The following ARMC9 variants were observed in gnomAD, a reference collection of about 807,000 sequenced individuals.
The protein encoded by ARMC9 is lisH domain-containing protein ARMC9.
ARMC9 carries 94 observed loss-of-function variants against 107.0 expected under a neutral mutation model. The observed-to-expected ratio is 0.88, with a 90% confidence interval of 0.74 to 1.04. The LOEUF is 1.04. Among genes scored for constraint, ARMC9 ranks in the 50% least tolerant of loss-of-function variants. The probability of loss-of-function intolerance (pLI) is 0.00; values close to 1 mark genes in which losing one functional copy is unlikely to be tolerated. For synonymous variants in ARMC9, 380 were observed against 396.9 expected (o/e 0.96, Z 0.51); for missense variants, 942 against 1,030.1 (o/e 0.91, Z 1.17).
At chr2:231,240,673 G>T (rs966765793) in intron 9 of ARMC9, among the ~76,000 whole-genome samples, 1 of 152,244 alleles carries the variant, frequency 6.6e-6, no homozygotes, top group South Asian at 2.1e-4. Flanking sequence ...ACCAACTTCA[G>T]TAAATTTAAC....
chr2:231,322,049 C>T (rs1214844098), intron 19 of ARMC9, among the ~76,000 whole-genome samples: 3 of 152,228 alleles, frequency 2.0e-5, no homozygotes, highest in Admixed American at 1.3e-4. Flanking sequence ...TTGGGTTCTC[C>T]GGTTTCTGTC....
At chr2:231,249,406 C>T (rs754435151) in intron 9 of ARMC9, among the ~76,000 whole-genome samples, 5 of 152,192 alleles carry the variant, frequency 3.3e-5, no homozygotes, top group Non-Finnish European at 7.4e-5. Context: ...GGAACACTTT[C>T]CTTACCTTAC....
chr2:231,234,187 C>T (rs2035503231), intron 7 of ARMC9, among the ~76,000 whole-genome samples: 1 of 152,140 alleles, frequency 6.6e-6, no homozygotes, highest in South Asian at 2.1e-4. Context: ...ACTGTTACCT[C>T]CTTTCGTCCA....
At position 231,222,748 on chromosome 2, in the gene ARMC9, A is replaced by G. The variant is rs2034270255; in HGVS notation, c.525A>G (p.Leu175=). ...ELFQDSWTPE[L]KLKLIKFLAL... ...TTTAGGATTCCTGGACTCCAGAGTTAAAGTTGAAGTTGATAAAGTTTCTAG... is the reference window on the plus strand; with the variant it reads ...TTTAGGATTCCTGGACTCCAGAGTTGAAGTTGAAGTTGATAAAGTTTCTAG... Residue 175 remains leucine (L), a synonymous_variant, in exon 6 of 25, where the codon TTA becomes TTG. Coordinates refer to ENST00000611582, the MANE Select transcript of ARMC9 (RefSeq NM_001352754.2). 3.2e-6 allele frequency: 5 copies of G among 1,575,852 alleles called. No individual in the cohort carries two copies. The highest frequency in any genetic ancestry group is 1.7e-5 in the Admixed American group (1 of 59,066).
At chr2:231,279,118 C>T (rs2040000569) in intron 16 of ARMC9, among the ~76,000 whole-genome samples, 1 of 152,184 alleles carries the variant, frequency 6.6e-6, no homozygotes, top group Admixed American at 6.5e-5. Context: ...ACACTCATCA[C>T]TACTGGCTGC....
rs183004418 is a variant in ARMC9 at position 231,315,399 on chromosome 2, C to T, written c.1774-16394C>T. On this transcript the variant is annotated intron_variant, in intron 19 of 24. Transcript: ENST00000611582. ...TAAAAATACAAAAAAATTAGCCAGG[C>T]GTGGTGGCGCACACCTGTAGTCCCA... Among the ~76,000 whole-genome samples the T allele has an allele frequency of 8.1e-3, 1,221 of 150,666 alleles. 26 individuals carry two copies. Among genetic ancestry groups the T allele is most frequent in the African/African-American group, 0.027 (1,125 of 40,942 alleles).
At chr2:231,248,065 T>C (rs113682908) in intron 9 of ARMC9, among the ~76,000 whole-genome samples, 2,977 of 152,324 alleles carry the variant, frequency 0.02, 98 homozygotes, top group African/African-American at 0.069. Context: ...TTCACCAGAT[T>C]TGTGTCCAAA....
At position 231,239,947 on chromosome 2, in the gene ARMC9, C is replaced by T; in HGVS notation, c.785C>T (p.Thr262Ile). The T allele has an allele frequency of 6.2e-7, 1 of 1,613,782 alleles. No individual in the cohort carries two copies. The highest frequency in any genetic ancestry group is 8.5e-7 in the Non-Finnish European group (1 of 1,179,728). The change falls in exon 9 of 25, where the codon ACC becomes ATC. Residue 262 changes from threonine to isoleucine, a missense_variant. Thr to Ile is a moderately conservative substitution (Grantham distance 89). Transcript: ENST00000611582. ...GTCTTTGTATCCTCCTTGCAGATCACCCCTGAGTACCTCCAGAGCGTCTGT... is the reference window on the plus strand; with the variant it reads ...GTCTTTGTATCCTCCTTGCAGATCATCCCTGAGTACCTCCAGAGCGTCTGT... ...LEATVSGKMI[T>I]PEYLQSVCVR...
chr2:231,322,376 C>G (rs1351323025), intron 19 of ARMC9, among the ~76,000 whole-genome samples: 2 of 152,238 alleles, frequency 1.3e-5, no homozygotes, highest in African/African-American at 4.8e-5. Flanking sequence ...ATTCAGCGTT[C>G]TGAGAAGGTG....
chr2:231,340,609 A>G (rs57670946), intron 20 of ARMC9, among the ~76,000 whole-genome samples: 8,359 of 152,242 alleles, frequency 0.055, 759 homozygotes, highest in African/African-American at 0.19. Context: ...AATTAAGGCC[A>G]GGCTGAGTGG....
intron 9 of ARMC9, among the ~76,000 whole-genome samples, chr2:231,251,346 T>C (rs2037281825): frequency 6.6e-6 from 1 of 151,568 alleles, no homozygotes; most frequent in African/African-American, 2.4e-5. Context: ...TTTGTATTTT[T>C]AGTAGAGATG....
chr2:231,355,742 C>A, intron 21 of ARMC9, 56 bp from the exon 22 acceptor site: 1 of 1,475,774 alleles, frequency 6.8e-7, no homozygotes, highest in South Asian at 1.3e-5. Flanking sequence ...CGGCAGTCGG[C>A]AGTCCGAATC....
At chr2:231,248,386 C>G (rs569341274) in intron 9 of ARMC9, among the ~76,000 whole-genome samples, 1 of 152,144 alleles carries the variant, frequency 6.6e-6, no homozygotes, top group Non-Finnish European at 1.5e-5. Flanking sequence ...TATTTGTACC[C>G]TTCATGTTCC....
intron 19 of ARMC9, among the ~76,000 whole-genome samples, chr2:231,328,660 G>T (rs1464276279): frequency 6.6e-6 from 1 of 151,906 alleles, no homozygotes; most frequent in Non-Finnish European, 1.5e-5. Context: ...CCATTTTGGA[G>T]TTCTCTGTTC....
At position 231,278,378 on chromosome 2, in the gene ARMC9, A is replaced by G; in HGVS notation, c.1475-4A>G. The G allele has an allele frequency of 6.2e-7, 1 of 1,614,044 alleles. No homozygotes were observed. Among genetic ancestry groups the G allele is most frequent in the Admixed American group, 1.7e-5 (1 of 60,024 alleles). Reference sequence around the variant, plus strand: ...CATGTTTAGCTTTGATTTGTTTCCCATAGGGAAGAACATGTGTGCCAAGGT... The same window carrying G: ...CATGTTTAGCTTTGATTTGTTTCCCGTAGGGAAGAACATGTGTGCCAAGGT... On this transcript the variant is annotated splice_polypyrimidine_tract_variant and splice_region_variant and intron_variant, in intron 15 of 24. Transcript: ENST00000611582.
chr2:231,325,337 G>C (rs1451542626), intron 19 of ARMC9, among the ~76,000 whole-genome samples: 2 of 152,174 alleles, frequency 1.3e-5, no homozygotes, highest in Admixed American at 6.5e-5. Context: ...CAAGTAAATG[G>C]GTCTTACATA....
chr2:231,346,336 G>A (rs7578936), intron 21 of ARMC9, among the ~76,000 whole-genome samples: 30,188 of 151,874 alleles, frequency 0.2, 7,551 homozygotes, highest in African/African-American at 0.59. Context: ...CCTGGCTAAC[G>A]TGGTGAAACC....
At chr2:231,283,178 G>C (rs975701418) in intron 17 of ARMC9, among the ~76,000 whole-genome samples, 4 of 152,158 alleles carry the variant, frequency 2.6e-5, no homozygotes, top group Admixed American at 2.0e-4. Context: ...AGACGGAAGA[G>C]AGGGACAACT....
At chr2:231,279,511 CTT>C (rs57779512) in intron 16 of ARMC9, among the ~76,000 whole-genome samples, 9 of 124,786 alleles carry the variant, frequency 7.2e-5, no homozygotes, top group African/African-American at 1.3e-4. Context: ...TTTCTTTTTT[CTT>C]TTTTTTTTTT....
Sources: allele counts gnomAD v4.1 joint callset (sites outside exome capture counted in the v4.1 genomes callset), GRCh38; gene constraint gnomAD v4.1.1; transcripts MANE v1.5; gene names NCBI Gene and HGNC (gene_info 2026-07-23, HGNC 2026-07-21).